The following TLL1 variants were observed in gnomAD, a reference collection of about 807,000 sequenced individuals.
TLL1 encodes tolloid-like protein 1.
TLL1 carries 49 observed loss-of-function variants against 128.2 expected under a neutral mutation model. The observed-to-expected ratio is 0.38, with a 90% CI of 0.30 to 0.48. The LOEUF (loss-of-function observed/expected upper bound fraction) is 0.48. Ranked by LOEUF, TLL1 falls within the 20% of genes least tolerant of loss-of-function variation. The probability of loss-of-function intolerance (pLI) is 0.96; values close to 1 mark genes in which losing one functional copy is unlikely to be tolerated. For missense variants in TLL1, 1,123 were observed against 1,242.0 expected, an observed-to-expected ratio of 0.90 and a Z score of 1.44; for synonymous variants, 454 against 418.8, an observed-to-expected ratio of 1.08 and a Z score of -1.03.
At chr4:165,905,407 T>C (rs898217462) in intron 1 of TLL1, among the ~76,000 whole-genome samples, 1 of 152,220 alleles carries the variant, frequency 6.6e-6, no homozygotes, top group African/African-American at 2.4e-5. Flanking sequence ...TCAACTTATG[T>C]TGGATTTTAA....
chr4:166,010,730 A>C (rs1737653405), intron 7 of TLL1, among the ~76,000 whole-genome samples: 1 of 151,242 alleles, frequency 6.6e-6, no homozygotes, highest in African/African-American at 2.4e-5. Context: ...CACATGCAAC[A>C]CCATGAAGCT....
intron 1 of TLL1, among the ~76,000 whole-genome samples, chr4:165,956,437 C>T (rs1185796906): frequency 6.6e-6 from 1 of 151,908 alleles, no homozygotes; most frequent in African/African-American, 2.4e-5. Flanking sequence ...CATTCCTTTC[C>T]CAAGGTATTA....
chr4:166,028,604 A>C (rs147689836), intron 9 of TLL1, among the ~76,000 whole-genome samples: 2 of 152,098 alleles, frequency 1.3e-5, no homozygotes, highest in African/African-American at 4.8e-5. Context: ...TAGATTTGTT[A>C]ATTGCTCTTC....
chr4:166,097,073 C>T (rs113285044), intron 19 of TLL1, among the ~76,000 whole-genome samples: 3 of 152,010 alleles, frequency 2.0e-5, no homozygotes, highest in African/African-American at 7.2e-5. Flanking sequence ...TGAACCTAAG[C>T]ACTCTTCATC....
At chr4:165,977,858 G>A (rs555006276) in intron 1 of TLL1, among the ~76,000 whole-genome samples, 1 of 152,274 alleles carries the variant, frequency 6.6e-6, no homozygotes, top group South Asian at 2.1e-4. Context: ...CTTCTCACTA[G>A]TTATGAGGTA....
At chr4:165,982,082 C>A (rs867637063) in intron 1 of TLL1, among the ~76,000 whole-genome samples, 3 of 151,702 alleles carry the variant, frequency 2.0e-5, no homozygotes, top group Admixed American at 1.3e-4. Flanking sequence ...AGTGTAGACG[C>A]CAAATAATGT....
rs1739951275 is a variant in TLL1 at position 166,055,258 on chromosome 4, T to C, written c.1707T>C (p.Ala569=). ...CTGTGAACAAAGCAGGGTTTGCTGC[T>C]AACTTTTTTAAAGGTAATTTGAAAT... ...DGTVNKAGFA[A]NFFKEEDECA... Residue 569 remains alanine (A), a synonymous_variant, in exon 13 of 21, where the codon GCT becomes GCC. Coordinates refer to ENST00000061240, the MANE Select transcript of TLL1 (RefSeq NM_012464.5). The C allele has an allele frequency of 1.9e-6, 3 of 1,613,592 alleles. No homozygotes were observed. The highest frequency in any genetic ancestry group is 2.5e-6 in the Non-Finnish European group (3 of 1,179,742).
intron 7 of TLL1, among the ~76,000 whole-genome samples, chr4:166,011,172 T>A (rs1418111279): frequency 6.6e-6 from 1 of 151,478 alleles, no homozygotes; most frequent in East Asian, 1.9e-4. Context: ...ATTTTTAGGA[T>A]AAATTTTTCT....
At chr4:166,043,540 A>G (rs1739330490) in intron 12 of TLL1, 121 bp downstream of exon 12, 2 of 1,429,706 alleles carry the variant, frequency 1.4e-6, no homozygotes, top group Non-Finnish European at 2.0e-6. Flanking sequence ...GCAAAGAAGC[A>G]AAGGATCGCT....
chr4:166,081,116 A>G (rs1741266093), intron 18 of TLL1, among the ~76,000 whole-genome samples: 1 of 152,016 alleles, frequency 6.6e-6, no homozygotes, highest in African/African-American at 2.4e-5. Flanking sequence ...TCCATGGGAG[A>G]GAGTTTCTTT....
At chr4:166,008,973 T>C (rs1737559253) in intron 7 of TLL1, among the ~76,000 whole-genome samples, 1 of 151,456 alleles carries the variant, frequency 6.6e-6, no homozygotes, top group Non-Finnish European at 1.5e-5. Context: ...TTGGACACAT[T>C]TATTAATTAC....
At chr4:165,973,660 GTTCTTTTTTTTTT>G (rs1412673954) in intron 1 of TLL1, among the ~76,000 whole-genome samples, 1 of 150,924 alleles carries the variant, frequency 6.6e-6, no homozygotes, top group Non-Finnish European at 1.5e-5. Flanking sequence ...GTAAGCATTA[GTTCTTTTTTTTTT>G]TTCTTTTTTG....
intron 6 of TLL1, among the ~76,000 whole-genome samples, chr4:166,005,812 A>C (rs1020997368): frequency 1.3e-5 from 2 of 152,074 alleles, no homozygotes; most frequent in East Asian, 1.9e-4. Flanking sequence ...TCTTAAAAAT[A>C]GGATCCTGTT....
chr4:165,904,250 T>G (rs1424590621), intron 1 of TLL1, among the ~76,000 whole-genome samples: 1 of 152,190 alleles, frequency 6.6e-6, no homozygotes. Flanking sequence ...TGCTCTGAAG[T>G]CTAATAAGAT....
chr4:165,902,401 C>G (rs1373423789), intron 1 of TLL1, among the ~76,000 whole-genome samples: 2 of 152,202 alleles, frequency 1.3e-5, no homozygotes, highest in African/African-American at 4.8e-5. Context: ...ACCCAGGGCC[C>G]TTGTGGTGTA....
Position 165,873,994 on chromosome 4 carries a change from C to T in TLL1, c.90C>T (p.Gly30=), listed in dbSNP as rs199815486. 1 of 1,613,986 alleles carries T rather than the reference C, an allele frequency of 6.2e-7. No homozygotes were observed. The highest frequency in any genetic ancestry group is 1.3e-5 in the African/African-American group (1 of 74,902). ...VFYGELWVCA[G]LDYDYTFDGN... The stretch of plus-strand genomic sequence containing the variant: ...ACGGGGAGCTATGGGTCTGCGCTGG[C>T]CTCGATTATGATTACACTTTTGATG... Residue 30 remains glycine (G), a synonymous_variant, in exon 1 of 21, where the codon GGC becomes GGT. Coordinates refer to ENST00000061240, the MANE Select transcript of TLL1 (RefSeq NM_012464.5).
At chr4:165,880,004 C>T (rs1730906493) in intron 1 of TLL1, among the ~76,000 whole-genome samples, 1 of 152,156 alleles carries the variant, frequency 6.6e-6, no homozygotes, top group Non-Finnish European at 1.5e-5. Flanking sequence ...AATGATTTAG[C>T]AATATGGCTT....
chr4:166,066,471 C>T (rs951907829), intron 16 of TLL1, among the ~76,000 whole-genome samples: 59 of 151,746 alleles, frequency 3.9e-4, no homozygotes, highest in African/African-American at 1.4e-3. Context: ...CAGAATCATG[C>T]TTTATAAAAA....
intron 1 of TLL1, among the ~76,000 whole-genome samples, chr4:165,944,371 T>C (rs1401457021): frequency 6.6e-6 from 1 of 152,102 alleles, no homozygotes; most frequent in Non-Finnish European, 1.5e-5. Context: ...GTATATTCCT[T>C]CACACACAAA....
Sources: allele counts gnomAD v4.1 joint callset (sites outside exome capture counted in the v4.1 genomes callset), GRCh38; gene constraint gnomAD v4.1.1; transcripts MANE v1.5; gene names NCBI Gene and HGNC (gene_info 2026-07-23, HGNC 2026-07-21).